The following SLC30A7 variants were observed in gnomAD, a reference collection of about 807,000 sequenced individuals.
SLC30A7 encodes the protein solute carrier family 30 member 7, also known as zinc transporter 7.
In SLC30A7, 35 loss-of-function variants were observed where a neutral mutation model predicts 46.0. That is an observed-to-expected ratio of 0.76 (90% CI 0.58 to 1.01). The LOEUF is 1.01. SLC30A7 is among the 50% of genes least tolerant of loss of function. The pLI is 0.00. For missense variants in SLC30A7, 464 were observed against 451.1 expected, an observed-to-expected ratio of 1.03 and a Z score of -0.26; for synonymous variants, 147 against 157.8, an observed-to-expected ratio of 0.93 and a Z score of 0.51.
intron 8 of SLC30A7, among the ~76,000 whole-genome samples, chr1:100,947,325 A>T (rs2101065393): frequency 6.6e-6 from 1 of 152,296 alleles, no homozygotes; most frequent in South Asian, 2.1e-4. Context: ...CCCAGTAGTC[A>T]TTCAGGAACA....
chr1:100,952,332 T>G (rs1212461281), intron 8 of SLC30A7, among the ~76,000 whole-genome samples: 1 of 152,194 alleles, frequency 6.6e-6, no homozygotes, highest in Non-Finnish European at 1.5e-5. Context: ...TTTTTCATCT[T>G]TAAAATGGGG....
intron 6 of SLC30A7, among the ~76,000 whole-genome samples, chr1:100,914,634 C>T (rs1357824248): frequency 6.6e-6 from 1 of 152,066 alleles, no homozygotes; most frequent in Admixed American, 6.6e-5. Flanking sequence ...TTATATTTTA[C>T]ATAGTTTATA....
At chr1:100,988,764 C>T in the SLC30A7 span, among the ~76,000 whole-genome samples, 1 of 151,984 alleles carries the variant, frequency 6.6e-6, no homozygotes, top group South Asian at 2.1e-4. Context: ...GCAGGATAAT[C>T]GCTTGAACCT....
intron 8 of SLC30A7, among the ~76,000 whole-genome samples, chr1:100,961,250 C>T (rs1260739977): frequency 5.9e-5 from 9 of 152,120 alleles, no homozygotes; most frequent in East Asian, 1.9e-4. Context: ...CATGAGCCAC[C>T]GCGCCCGGCC....
chr1:100,939,404 A>G (rs528655457), intron 8 of SLC30A7, among the ~76,000 whole-genome samples: 1 of 152,348 alleles, frequency 6.6e-6, no homozygotes, highest in African/African-American at 2.4e-5. Context: ...ATGTAATTAA[A>G]GAGAAGACAC....
intron 8 of SLC30A7, among the ~76,000 whole-genome samples, chr1:100,929,331 C>A (rs371430605): frequency 6.6e-6 from 1 of 151,996 alleles, no homozygotes; most frequent in African/African-American, 2.4e-5. Context: ...TAAAGAAATT[C>A]TAGTTCAGCA....
At chr1:100,909,333 T>C (rs1651926940) in intron 3 of SLC30A7, among the ~76,000 whole-genome samples, 1 of 152,160 alleles carries the variant, frequency 6.6e-6, no homozygotes, top group South Asian at 2.1e-4. Flanking sequence ...AGTATTTCTT[T>C]ATATAAAAGT....
chr1:100,966,755 A>AT (rs1234916910), intron 10 of SLC30A7, among the ~76,000 whole-genome samples: 4 of 152,176 alleles, frequency 2.6e-5, no homozygotes, highest in Non-Finnish European at 4.4e-5. Context: ...TTTACTGCAC[A>AT]TTTCTTATAA....
chr1:100,911,480 G>A (rs909809150), intron 4 of SLC30A7, among the ~76,000 whole-genome samples: 19 of 152,172 alleles, frequency 1.2e-4, no homozygotes, highest in Middle Eastern at 3.4e-3. Flanking sequence ...AACATTTGGC[G>A]TATTTTTTAA....
At chr1:100,993,566 ATATATATATAT>A in the SLC30A7 span, among the ~76,000 whole-genome samples, 2 of 71,190 alleles carry the variant, frequency 2.8e-5, no homozygotes, top group African/African-American at 1.2e-4. Flanking sequence ...ATAAATATAT[ATATATATATAT>A]ATATATATAT....
chr1:100,963,283 T>C (rs1309830822), intron 9 of SLC30A7, among the ~76,000 whole-genome samples: 1 of 152,136 alleles, frequency 6.6e-6, no homozygotes, highest in Non-Finnish European at 1.5e-5. Flanking sequence ...CCAGGAAAGG[T>C]AGTGGTTAGT....
chr1:100,968,938 T>G (rs768325405), intron 10 of SLC30A7, among the ~76,000 whole-genome samples: 1 of 152,216 alleles, frequency 6.6e-6, no homozygotes, highest in Non-Finnish European at 1.5e-5. Flanking sequence ...TTCCCATTGG[T>G]CTTTTTTAAC....
At chr1:100,992,490 G>A in the SLC30A7 span, 2 of 540,536 alleles carry the variant, frequency 3.7e-6, no homozygotes, top group Non-Finnish European at 6.1e-6. Flanking sequence ...TGGGATTTAA[G>A]TTAAAGTTGG....
chr1:100,983,132 C>T (rs926406940), downstream of SLC30A7, among the ~76,000 whole-genome samples: 1 of 152,130 alleles, frequency 6.6e-6, no homozygotes, highest in African/African-American at 2.4e-5. Context: ...TTCTGAACAA[C>T]TTTCGAAACT....
chr1:100,920,790 C>CT (rs1322493578), intron 7 of SLC30A7, among the ~76,000 whole-genome samples: 10 of 152,070 alleles, frequency 6.6e-5, no homozygotes, highest in African/African-American at 2.2e-4. Context: ...TACATACATG[C>CT]TTTTTATGCA....
intron 8 of SLC30A7, among the ~76,000 whole-genome samples, chr1:100,950,477 T>A (rs1228559784): frequency 1.3e-5 from 2 of 152,186 alleles, no homozygotes; most frequent in African/African-American, 4.8e-5. Context: ...GAATGGAAAT[T>A]GGGTGTCAGA....
rs1002658645 is a variant in SLC30A7, at chr1:100,980,714, A to C, written c.*5857A>C. On this transcript the variant is annotated 3_prime_UTR_variant, in exon 11 of 11. Transcript: ENST00000357650. ...GAGCTGCTCATTCTTTTTCATATAC[A>C]GTGGAAGTATACAGATGTTATCCAT... 6.6e-6 allele frequency: 1 copy of C among 151,714 alleles called. No homozygotes were observed. Among genetic ancestry groups the C allele is most frequent in the Admixed American group, 6.6e-5 (1 of 15,232 alleles). 9.4% of individuals were successfully genotyped at this position (151,714 alleles called of 1,614,324 possible). A position where few individuals can be genotyped will look rare whatever the true frequency, so the allele number is the denominator to read the frequency against.
At chr1:100,913,533 T>A in intron 5 of SLC30A7, 130 bp from the exon 6 acceptor site, 1 of 696,080 alleles carries the variant, frequency 1.4e-6, no homozygotes, top group Non-Finnish European at 2.4e-6. Context: ...TGTGTAACAC[T>A]TTTTACAAGT....
chr1:100,941,863 ACT>A (rs1442217995), intron 8 of SLC30A7: 2 of 458,820 alleles, frequency 4.4e-6, no homozygotes, highest in Non-Finnish European at 8.2e-6. Context: ...ATTACCACAC[ACT>A]CTGTGAGTGT....
Sources: allele counts gnomAD v4.1 joint callset (sites outside exome capture counted in the v4.1 genomes callset), GRCh38; gene constraint gnomAD v4.1.1; transcripts MANE v1.5; gene names NCBI Gene and HGNC (gene_info 2026-07-23, HGNC 2026-07-21).